Variants in VPS13D observed in about 807,000 individuals in gnomAD.
VPS13D encodes the protein vacuolar protein sorting 13 homolog D.
Under a neutral mutation model 461.9 loss-of-function variants are expected in VPS13D, and 187 were observed. The observed-to-expected ratio is 0.40, with a 90% CI of 0.36 to 0.46. VPS13D has a LOEUF of 0.46. Ranked by LOEUF, VPS13D falls within the 20% of genes least tolerant of loss-of-function variation. The pLI, the probability that VPS13D is intolerant of heterozygous loss-of-function variation, is 0.60. For synonymous variants in VPS13D, 1,951 were observed against 1,986.3 expected (o/e 0.98, Z 0.47); for missense variants, 4,711 against 5,364.9 (o/e 0.88, Z 3.81).
At position 12,416,696 on chromosome 1, in the gene VPS13D, G is replaced by A; in HGVS notation, c.12202G>A (p.Val4068Met). 1 of 1,614,056 alleles carries A rather than the reference G, an allele frequency of 6.2e-7. No individual in the cohort carries two copies. The highest frequency in any genetic ancestry group is 8.5e-7 in the Non-Finnish European group (1 of 1,179,970). ...LSQAARILGS[V>M]DFLGNPMGLL... ...CCAGGCAGCTCGAATCCTGGGATCA[G>A]TGGATTTTCTTGGCAATCCTATGGG... The change falls in exon 65 of 70, where the codon GTG becomes ATG. Residue 4068 changes from valine (V) to methionine (M), a missense_variant. Val to Met is a conservative substitution (Grantham distance 21). Coordinates refer to ENST00000620676, the MANE Select transcript of VPS13D (RefSeq NM_015378.4).
chr1:12,342,048 A>G (rs1192022470), intron 41 of VPS13D, among the ~76,000 whole-genome samples, 163 bp downstream of exon 41: 1 of 152,152 alleles, frequency 6.6e-6, no homozygotes, highest in Non-Finnish European at 1.5e-5. Context: ...CTGGTTTTGT[A>G]GAGAATCTAT....
intron 65 of VPS13D, among the ~76,000 whole-genome samples, chr1:12,429,254 T>G (rs954182046): frequency 2.0e-5 from 3 of 152,188 alleles, no homozygotes; most frequent in African/African-American, 7.2e-5. Flanking sequence ...TGTGTTATTG[T>G]CTAGCTATTT....
At chr1:12,484,652 G>T (rs965968876) in intron 67 of VPS13D, among the ~76,000 whole-genome samples, 6 of 152,222 alleles carry the variant, frequency 3.9e-5, no homozygotes, top group Non-Finnish European at 8.8e-5. Context: ...CACTCAGTCA[G>T]TGCAGCTGTA....
At chr1:12,312,424 C>A (rs1231077750) in intron 29 of VPS13D, among the ~76,000 whole-genome samples, 1 of 152,164 alleles carries the variant, frequency 6.6e-6, no homozygotes, top group African/African-American at 2.4e-5. Flanking sequence ...AGATGCAGAA[C>A]CACTTGATGT....
At chr1:12,376,863 G>A (rs892795381) in intron 55 of VPS13D, among the ~76,000 whole-genome samples, 6 of 152,186 alleles carry the variant, frequency 3.9e-5, no homozygotes, top group Admixed American at 3.9e-4. Context: ...TGCTAGAGAG[G>A]CAACATAGCA....
intron 5 of VPS13D, among the ~76,000 whole-genome samples, chr1:12,246,169 C>T (rs79163128): frequency 8.7e-4 from 133 of 152,160 alleles, no homozygotes; most frequent in African/African-American, 2.9e-3. Flanking sequence ...AGGCGTTGGT[C>T]GCTGTGAATG....
At chr1:12,431,038 A>G (rs1461765100) in intron 65 of VPS13D, among the ~76,000 whole-genome samples, 1 of 152,196 alleles carries the variant, frequency 6.6e-6, no homozygotes, top group Non-Finnish European at 1.5e-5. Context: ...AGAATTTGCC[A>G]CTTGTTTCTC....
At chr1:12,247,527 A>G (rs1028857066) in intron 5 of VPS13D, among the ~76,000 whole-genome samples, 1 of 152,032 alleles carries the variant, frequency 6.6e-6, no homozygotes, top group Non-Finnish European at 1.5e-5. Context: ...AAAAACAAAA[A>G]CAAAAAGCAA....
chr1:12,358,416 T>C (rs1292473709), intron 49 of VPS13D, 43 bp from the exon 50 acceptor site: 1 of 1,608,738 alleles, frequency 6.2e-7, no homozygotes, highest in Non-Finnish European at 8.5e-7. Context: ...GATAAGACTT[T>C]CTTGTGGATG....
rs1478491936 is a variant in VPS13D at position 12,277,444 on chromosome 1, C to T, written c.3856C>T (p.Leu1286=). ...ERSKQECFLN[L]KMASLHYNHS... is the part of the protein sequence containing the mutation. ...ATCTAAACAGGAGTGTTTTCTCAAC[C>T]TGAAGATGGCTTCTTTACATTATAA... The change falls in exon 19 of 70, where the codon CTG becomes TTG. Residue 1286 remains leucine, a synonymous_variant. Coordinates refer to ENST00000620676, the MANE Select transcript of VPS13D (RefSeq NM_015378.4). 4 of 1,614,012 alleles carry T rather than the reference C, an allele frequency of 2.5e-6. No homozygotes were observed. In the South Asian group the frequency reaches 4.4e-5, roughly 18 times the overall value.
intron 15 of VPS13D, among the ~76,000 whole-genome samples, chr1:12,268,211 A>G (rs962888239): frequency 6.7e-6 from 1 of 148,864 alleles, no homozygotes; most frequent in Non-Finnish European, 1.5e-5. Flanking sequence ...TGGCCTCCCA[A>G]AGTGCTGGGA....
chr1:12,246,157 C>T (rs1284656851), intron 5 of VPS13D, among the ~76,000 whole-genome samples: 1 of 152,122 alleles, frequency 6.6e-6, no homozygotes, highest in African/African-American at 2.4e-5. Context: ...TGAAAAATTA[C>T]AAGGCGTTGG....
chr1:12,316,995 T>A (rs1298607887), intron 30 of VPS13D, among the ~76,000 whole-genome samples: 1 of 149,702 alleles, frequency 6.7e-6, no homozygotes, highest in Non-Finnish European at 1.5e-5. Context: ...TGGCAACTTG[T>A]CCCCCCACCC....
At chr1:12,442,798 A>G (rs557016842) in intron 65 of VPS13D, among the ~76,000 whole-genome samples, 4 of 152,180 alleles carry the variant, frequency 2.6e-5, no homozygotes, top group Admixed American at 2.0e-4. Flanking sequence ...CATATTGTCT[A>G]GATTGGTCTT....
chr1:12,304,053 A>T (rs1285749617), intron 25 of VPS13D, among the ~76,000 whole-genome samples: 3 of 152,148 alleles, frequency 2.0e-5, no homozygotes, highest in Non-Finnish European at 2.9e-5. Context: ...ATGAGGGGAG[A>T]CATCTAGAAG....
intron 67 of VPS13D, among the ~76,000 whole-genome samples, chr1:12,482,302 T>G (rs1645729171): frequency 6.6e-6 from 1 of 152,246 alleles, no homozygotes; most frequent in Non-Finnish European, 1.5e-5. Flanking sequence ...AAGCCATTCC[T>G]GACTAAGCCT....
At chr1:12,432,108 A>G (rs1021086011) in intron 65 of VPS13D, among the ~76,000 whole-genome samples, 7 of 152,164 alleles carry the variant, frequency 4.6e-5, no homozygotes, top group African/African-American at 1.7e-4. Context: ...GAAAGAAAAG[A>G]GCAAGCCAGG....
At chr1:12,462,927 A>G (rs1030204012) in intron 67 of VPS13D, among the ~76,000 whole-genome samples, 21 of 152,296 alleles carry the variant, frequency 1.4e-4, no homozygotes, top group African/African-American at 4.1e-4. Flanking sequence ...TCTCAGCCCA[A>G]TGAAGTTTTA....
rs752450571 is a variant in VPS13D at position 12,304,530 on chromosome 1, A to G, written c.6241A>G (p.Thr2081Ala). ...GGAATCTGTGCCTTCAGCTTCCCCA[A>G]CGGGTATTCCCAAACACAGTCTGAG... Reference protein sequence around the residue: ...DKESVPSASPTGIPKHSLRKT... With the variant: ...DKESVPSASPAGIPKHSLRKT... The change falls in exon 26 of 70, where the codon ACG becomes GCG. Residue 2081 changes from threonine to alanine, a missense_variant. Around this residue, in one of 3 missense-constraint regions of VPS13D, gnomAD observed 4,411 missense variants for 4,937.8 expected, o/e 0.89. Transcript: ENST00000620676. 1.4e-4 allele frequency: 231 copies of G among 1,613,870 alleles called. No individual in the cohort carries two copies. Among genetic ancestry groups the G allele is most frequent in the Admixed American group, 8.0e-4 (48 of 59,966 alleles).
Sources: allele counts gnomAD v4.1 joint callset (sites outside exome capture counted in the v4.1 genomes callset), GRCh38; gene constraint gnomAD v4.1.1; regional missense constraint gnomAD v4.1.1; transcripts MANE v1.5; gene names NCBI Gene and HGNC (gene_info 2026-07-23, HGNC 2026-07-21).